Variants in MGST2 observed in about 807,000 individuals in gnomAD.
MGST2 encodes microsomal glutathione S-transferase 2.
MGST2 carries 9 observed loss-of-function variants against 16.6 expected under a neutral mutation model. The observed-to-expected ratio is 0.54, with a 90% CI of 0.33 to 0.95. MGST2 has a LOEUF of 0.95. Ranked by LOEUF, MGST2 falls within the 40% of genes least tolerant of loss-of-function variation. The pLI, the probability that MGST2 is intolerant of heterozygous loss-of-function variation, is 0.03. For missense variants in MGST2, 159 were observed against 175.1 expected, an observed-to-expected ratio of 0.91 and a Z score of 0.52; for synonymous variants, 79 against 68.0, an observed-to-expected ratio of 1.16 and a Z score of -0.79.
intron 1 of MGST2, among the ~76,000 whole-genome samples, chr4:139,670,267 G>A (rs774824541): frequency 8.5e-5 from 2 of 23,458 alleles, no homozygotes; most frequent in African/African-American, 6.3e-4. Context: ...GCGGGGGGGG[G>A]GCGGTTAACA....
chr4:139,678,978 G>A (rs899997869), intron 2 of MGST2: 5 of 314,982 alleles, frequency 1.6e-5, no homozygotes, highest in African/African-American at 8.5e-5. Flanking sequence ...AGTTGGATTC[G>A]TTATGCTACA....
chr4:139,673,196 A>C (rs1406892657), intron 1 of MGST2, among the ~76,000 whole-genome samples: 1 of 152,222 alleles, frequency 6.6e-6, no homozygotes, highest in Non-Finnish European at 1.5e-5. Context: ...AAGGAGCTAA[A>C]ACTGAAATAA....
downstream of MGST2, among the ~76,000 whole-genome samples, chr4:139,742,784 T>C (rs1729209054): frequency 1.3e-5 from 2 of 152,184 alleles, no homozygotes; most frequent in Admixed American, 1.3e-4. Flanking sequence ...CACAGTATAA[T>C]TGCCCTTGGG....
intron 5 of MGST2, among the ~76,000 whole-genome samples, chr4:139,728,382 G>A (rs948346584): frequency 2.6e-5 from 4 of 152,202 alleles, no homozygotes; most frequent in African/African-American, 9.7e-5. Context: ...CCAGGGCCAC[G>A]TGACAGGCCC....
intron 5 of MGST2, chr4:139,720,425 A>C (rs1728189421): frequency 4.9e-6 from 5 of 1,023,528 alleles, no homozygotes; most frequent in Non-Finnish European, 6.8e-6. Flanking sequence ...ATTCCTTTAT[A>C]TGAAAGGATC....
At chr4:139,730,566 G>A (rs546054334) in intron 5 of MGST2, 68 of 1,598,248 alleles carry the variant, frequency 4.3e-5, no homozygotes, top group East Asian at 6.8e-5. Flanking sequence ...CCAGGAAGCC[G>A]GGGCCTGCGG....
At chr4:139,720,233 A>G in intron 5 of MGST2, 1 of 1,610,942 alleles carries the variant, frequency 6.2e-7, no homozygotes, top group East Asian at 2.2e-5. Flanking sequence ...TCCTATTCCC[A>G]TCATGCCTGC....
At chr4:139,681,348 C>T (rs1429212065) in intron 2 of MGST2, among the ~76,000 whole-genome samples, 1 of 152,184 alleles carries the variant, frequency 6.6e-6, no homozygotes, top group South Asian at 2.1e-4. Context: ...TTTCTTCCCC[C>T]AGATTTCCTC....
downstream of MGST2, among the ~76,000 whole-genome samples, chr4:139,745,435 A>G (rs965538356): frequency 3.3e-5 from 5 of 152,208 alleles, no homozygotes; most frequent in African/African-American, 1.2e-4. Flanking sequence ...GGAGGTAGCC[A>G]TGGGGGTAAT....
At chr4:139,685,204 G>A (rs1731495038) in intron 2 of MGST2, 1 of 152,480 alleles carries the variant, frequency 6.6e-6, no homozygotes, top group Admixed American at 6.5e-5. Context: ...AGATTGTTTG[G>A]AGGTTCCAGC....
chr4:139,719,296 A>G, intron 5 of MGST2: 1 of 1,537,554 alleles, frequency 6.5e-7, no homozygotes, highest in Non-Finnish European at 8.8e-7. Context: ...TAACCACTCG[A>G]GTTGTGGATC....
intron 2 of MGST2, chr4:139,678,934 C>T (rs893353677): frequency 4.1e-6 from 2 of 491,896 alleles, no homozygotes; most frequent in African/African-American, 1.9e-5. Context: ...GTCAAAGAGG[C>T]CCCCTGGAGC....
At chr4:139,667,632 G>A (rs1730436567) in intron 1 of MGST2, among the ~76,000 whole-genome samples, 2 of 152,132 alleles carry the variant, frequency 1.3e-5, no homozygotes, top group Admixed American at 1.3e-4. Flanking sequence ...GGCCAAGGCA[G>A]GTGGATCACG....
intron 2 of MGST2, among the ~76,000 whole-genome samples, chr4:139,682,887 A>AAACTCAAC (rs1422275582): frequency 6.6e-6 from 1 of 151,594 alleles, no homozygotes; most frequent in African/African-American, 2.4e-5. Context: ...AAAAAAAAAG[A>AAACTCAAC]AACTCAACAA....
Position 139,698,637 on chromosome 4 carries a change from A to G in MGST2, c.229+3370A>G, listed in dbSNP as rs1320791036. On this transcript the variant is annotated intron_variant, in intron 3 of 4. Transcript: ENST00000265498. The stretch of plus-strand genomic sequence containing the variant: ...GAGGCGGCGCTGGCGTTGGAGAGCC[A>G]AGTATGTGTTTCTTATAGCAATCCT... The G allele has an allele frequency of 7.0e-6, 6 of 862,096 alleles. No individual in the cohort carries two copies. In the African/African-American group the frequency reaches 1.0e-4, roughly 14 times the overall value. The allele number at this position is 862,096 out of a possible 1,614,324, so 53.4% of individuals were successfully genotyped here.
At chr4:139,678,810 G>T in intron 2 of MGST2, 168 bp downstream of exon 2, 2 of 672,570 alleles carry the variant, frequency 3.0e-6, no homozygotes, top group Admixed American at 4.4e-5. Context: ...AAAGTTTGAA[G>T]GGTTCGGGGC....
At chr4:139,684,079 C>T (rs1731419159) in intron 2 of MGST2, among the ~76,000 whole-genome samples, 2 of 152,030 alleles carry the variant, frequency 1.3e-5, no homozygotes, top group Admixed American at 1.3e-4. Flanking sequence ...TGCCTGCCAC[C>T]ATGCCTAGCT....
Position 139,703,016 on chromosome 4 carries a change from C to T in MGST2, c.230-439C>T, listed in dbSNP as rs188587200. Among the ~76,000 whole-genome samples, 494 of 151,904 alleles carry T rather than the reference C, an allele frequency of 3.3e-3. 1 individual carries two copies. The highest frequency in any genetic ancestry group is 0.012 in the African/African-American group (478 of 41,440). ...TCTTGGCTCACTGCAACCTCCACCTCCTGGGTTCAAACGATTCTCCTGCCT... is the reference window on the plus strand; with the variant it reads ...TCTTGGCTCACTGCAACCTCCACCTTCTGGGTTCAAACGATTCTCCTGCCT... On this transcript the variant is annotated intron_variant, in intron 3 of 4. Coordinates refer to ENST00000265498, the MANE Select transcript of MGST2 (RefSeq NM_002413.5).
At position 139,720,237 on chromosome 4, in the gene MGST2, T is replaced by A. The variant is rs368146044; in HGVS notation, c.*48+16041T>A. 11 of 1,609,740 alleles carry A rather than the reference T, an allele frequency of 6.8e-6. No homozygotes were observed. The Admixed American group carries it at 1.3e-4, about 20-fold the overall frequency. ...TTCTGGGAGGGTCCTATTCCCATCA[T>A]GCCTGCGTTCTGTGCCATCAGCCGT... On this transcript the variant is annotated intron_variant, in intron 5 of 5. Transcript: ENST00000616265.
Sources: allele counts gnomAD v4.1 joint callset (sites outside exome capture counted in the v4.1 genomes callset), GRCh38; gene constraint gnomAD v4.1.1; transcripts MANE v1.5; gene names NCBI Gene and HGNC (gene_info 2026-07-23, HGNC 2026-07-21).